NAALADL2: variants seen among roughly 807,000 people sequenced by gnomAD.
The protein encoded by NAALADL2 is N-acetylated alpha-linked acidic dipeptidase like 2, also known as inactive N-acetylated-alpha-linked acidic dipeptidase-like protein 2.
A neutral mutation model predicts 87.2 loss-of-function variants in NAALADL2; 76 were observed. The observed-to-expected ratio is 0.87, with a 90% CI of 0.72 to 1.05. The LOEUF is 1.05. Among genes scored for constraint, NAALADL2 ranks in the 50% least tolerant of loss-of-function variants. The probability of loss-of-function intolerance (pLI) is 0.00; values close to 1 mark genes in which losing one functional copy is unlikely to be tolerated. For missense variants in NAALADL2, 1,089 were observed against 945.8 expected, an observed-to-expected ratio of 1.15 and a Z score of -1.99; for synonymous variants, 354 against 331.0, an observed-to-expected ratio of 1.07 and a Z score of -0.75.
intron 13 of NAALADL2, among the ~76,000 whole-genome samples, chr3:175,769,051 G>A (rs1017154355): frequency 6.6e-6 from 1 of 152,050 alleles, no homozygotes; most frequent in Non-Finnish European, 1.5e-5. Context: ...TATGGCTTGG[G>A]TAATATTTTG....
chr3:174,626,055 A>G (rs1240850908), intron 2 of NAALADL2, among the ~76,000 whole-genome samples: 2 of 151,682 alleles, frequency 1.3e-5, no homozygotes, highest in Admixed American at 6.6e-5. Context: ...ATTGTGCACA[A>G]CTAGATATTC....
chr3:174,698,394 T>C (rs962102459), intron 2 of NAALADL2, among the ~76,000 whole-genome samples: 3 of 152,126 alleles, frequency 2.0e-5, no homozygotes, highest in Admixed American at 2.0e-4. Flanking sequence ...AGACATTTCC[T>C]CTCAGGATTT....
intron 2 of NAALADL2, among the ~76,000 whole-genome samples, chr3:175,194,005 A>G (rs1008888478): frequency 1.3e-5 from 2 of 151,922 alleles, no homozygotes; most frequent in African/African-American, 2.4e-5. Context: ...AATTACATGT[A>G]TATCTTCAAG....
chr3:174,596,348 C>T (rs1717904249), intron 2 of NAALADL2, among the ~76,000 whole-genome samples: 4 of 152,166 alleles, frequency 2.6e-5, no homozygotes, highest in African/African-American at 2.4e-5. Context: ...TATCTTCTCT[C>T]ACCCAATTTT....
In NAALADL2 at chr3:174,886,647, T is replaced by A. The variant is rs543122363; in HGVS notation, c.43+27197T>A. Among the ~76,000 whole-genome samples the A allele has an allele frequency of 2.6e-5, 4 of 152,324 alleles. No individual in the cohort carries two copies. In the South Asian group the frequency reaches 6.2e-4, roughly 24 times the overall value. ...ATATTCTCCTGGTGCCAGACTCTGT[T>A]TTAATGATTTGAAATACAAATACAC... On this transcript the variant is annotated intron_variant, in intron 1 of 13. Transcript: ENST00000454872.
intron 2 of NAALADL2, among the ~76,000 whole-genome samples, chr3:175,224,870 A>G (rs1049851381): frequency 6.6e-6 from 1 of 152,134 alleles, no homozygotes; most frequent in Non-Finnish European, 1.5e-5. Context: ...TTGTTTTCAT[A>G]CTATCATTAC....
At chr3:175,521,065 A>C (rs1350127219) in intron 9 of NAALADL2, among the ~76,000 whole-genome samples, 1 of 152,002 alleles carries the variant, frequency 6.6e-6, no homozygotes, top group Non-Finnish European at 1.5e-5. Flanking sequence ...CCAACAAATA[A>C]AATCTAAACG....
In NAALADL2 at chr3:174,841,246, G is replaced by C. The variant is rs141714023; in HGVS notation, c.-9+103500G>C. Reference sequence around the variant, plus strand: ...CCAAACCACTTAGTGTTAATTATAAGTTATTGTAATAGTTACTGTGCTTAT... The same window carrying C: ...CCAAACCACTTAGTGTTAATTATAACTTATTGTAATAGTTACTGTGCTTAT... On this transcript the variant is annotated intron_variant, in intron 3 of 3. Coordinates refer to the NAALADL2 transcript ENST00000434257. Among the ~76,000 whole-genome samples the C allele has an allele frequency of 5.8e-3, 886 of 152,142 alleles. 22 individuals are homozygous for C. Among genetic ancestry groups the C allele is most frequent in the East Asian group, 0.019 (99 of 5,170 alleles).
intron 3 of NAALADL2, among the ~76,000 whole-genome samples, chr3:174,816,897 T>C (rs879370678): frequency 2.6e-5 from 4 of 152,220 alleles, no homozygotes; most frequent in African/African-American, 7.2e-5. Flanking sequence ...CCACAGGCCT[T>C]GTAGTATTAA....
chr3:175,109,051 A>C (rs564465550), intron 2 of NAALADL2, among the ~76,000 whole-genome samples: 5 of 151,960 alleles, frequency 3.3e-5, no homozygotes, highest in African/African-American at 1.2e-4. Flanking sequence ...GTAGAGAACA[A>C]ATTCCTATAA....
At chr3:175,718,685 T>C in intron 11 of NAALADL2, 1 of 1,534,208 alleles carries the variant, frequency 6.5e-7, no homozygotes, top group Non-Finnish European at 8.9e-7. Context: ...TTTTCTTGTA[T>C]TTTTATAGAG....
At chr3:175,730,411 T>TATATATATATAG in intron 11 of NAALADL2, among the ~76,000 whole-genome samples, 1 of 84,318 alleles carries the variant, frequency 1.2e-5, no homozygotes, top group Non-Finnish European at 2.5e-5. Flanking sequence ...TATATATATA[T>TATATATATATAG]ATATATATAT....
Position 174,606,986 on chromosome 3 carries a change from G to A in NAALADL2, c.-115+56349G>A, listed in dbSNP as rs1560088174. 9.2e-5 allele frequency among the ~76,000 whole-genome samples: 14 copies of A among 152,266 alleles called. No individual in the cohort carries two copies. In the South Asian group the frequency reaches 2.9e-3, roughly 32 times the overall value. The stretch of plus-strand genomic sequence containing the variant: ...GGATCTCTCGGCAGAAACTCTACAA[G>A]CCAGAAGAGAGTGGGGGCCAATACT... On this transcript the variant is annotated intron_variant, in intron 2 of 3. Coordinates refer to the NAALADL2 transcript ENST00000434257.
In NAALADL2 at chr3:174,741,689, C is replaced by T. The variant is rs572080200; in HGVS notation, c.-9+3943C>T. ...AAACTCCAACTCATTAACTTTTTAG[C>T]TTTATATAGATAAATTTTTAGCCTA... is the stretch of plus-strand genomic sequence containing the variant. On this transcript the variant is annotated intron_variant, in intron 3 of 3. Transcript: ENST00000434257. Among the ~76,000 whole-genome samples, 9 of 151,654 alleles carry T rather than the reference C, an allele frequency of 5.9e-5. No homozygotes were observed. The East Asian group carries it at 1.7e-3, about 29-fold the overall frequency.
Position 174,882,968 on chromosome 3 carries a change from A to C in NAALADL2, c.43+23518A>C, listed in dbSNP as rs369569024. Among the ~76,000 whole-genome samples the C allele has an allele frequency of 1.4e-4, 21 of 151,822 alleles. 1 individual carries two copies. The highest frequency in any genetic ancestry group is 1.2e-3 in the East Asian group (6 of 5,162). On this transcript the variant is annotated intron_variant, in intron 1 of 13. Transcript: ENST00000454872. ...TTATTAAGCATTAACTCACATGATC[A>C]CAAGGTTTCGCAATAGCCCGTCTGT...
intron 2 of NAALADL2, among the ~76,000 whole-genome samples, chr3:174,607,431 G>A (rs1719225822): frequency 6.6e-6 from 1 of 150,760 alleles, no homozygotes; most frequent in African/African-American, 2.4e-5. Flanking sequence ...CATCTCACGT[G>A]CAGAGACACA....
chr3:174,488,360 A>C (rs923334179), intron 1 of NAALADL2, among the ~76,000 whole-genome samples: 4 of 152,026 alleles, frequency 2.6e-5, no homozygotes, highest in Non-Finnish European at 5.9e-5. Context: ...TCTAATAAGA[A>C]TATGATAGGA....
At chr3:175,375,173 T>C (rs1766995184) in intron 5 of NAALADL2, among the ~76,000 whole-genome samples, 1 of 152,204 alleles carries the variant, frequency 6.6e-6, no homozygotes, top group African/African-American at 2.4e-5. Flanking sequence ...ACCAAATTGA[T>C]CACACTAGTT....
intron 2 of NAALADL2, among the ~76,000 whole-genome samples, chr3:175,175,628 C>T (rs1735589433): frequency 6.6e-6 from 1 of 152,062 alleles, no homozygotes; most frequent in Non-Finnish European, 1.5e-5. Flanking sequence ...GACCTTCTTG[C>T]TGTTTCAACA....
Sources: gnomAD v4.1 joint callset for allele counts (sites outside exome capture counted in the v4.1 genomes callset) on GRCh38, gnomAD v4.1.1 for gene constraint, MANE v1.5 for transcripts, NCBI Gene and HGNC (gene_info 2026-07-23, HGNC 2026-07-21) for gene names.